Variants in CDH18 observed in about 807,000 individuals in gnomAD.
The protein encoded by CDH18 is cadherin 18.
A neutral mutation model predicts 67.9 loss-of-function variants in CDH18; 31 were observed. That is an observed-to-expected ratio of 0.46 (90% CI 0.34 to 0.62). The LOEUF is 0.62. Among genes scored for constraint, CDH18 ranks in the 20% least tolerant of loss-of-function variants. The pLI, the probability that CDH18 is intolerant of heterozygous loss-of-function variation, is 0.01. For synonymous variants in CDH18, 362 were observed against 347.2 expected, an observed-to-expected ratio of 1.04 and a Z score of -0.48; for missense variants, 890 against 975.5, an observed-to-expected ratio of 0.91 and a Z score of 1.17.
chr5:19,715,976 C>A (rs1042070138), intron 5 of CDH18, among the ~76,000 whole-genome samples: 3 of 151,956 alleles, frequency 2.0e-5, no homozygotes, highest in African/African-American at 7.3e-5. Flanking sequence ...CACTACTACA[C>A]CTGACTAATT....
intron 2 of CDH18, among the ~76,000 whole-genome samples, chr5:20,214,857 T>A (rs74872818): frequency 0.011 from 1,690 of 152,066 alleles, 32 homozygotes; most frequent in African/African-American, 0.038. Flanking sequence ...CTAATTAAAC[T>A]AAAGCGCTTC....
At chr5:20,153,967 T>C (rs1580359886) in intron 2 of CDH18, among the ~76,000 whole-genome samples, 1 of 152,154 alleles carries the variant, frequency 6.6e-6, no homozygotes, top group East Asian at 1.9e-4. Context: ...ACACATGACA[T>C]ATGTGCACAG....
At chr5:20,062,416 AG>A (rs1455462475) in intron 2 of CDH18, among the ~76,000 whole-genome samples, 3 of 152,054 alleles carry the variant, frequency 2.0e-5, no homozygotes, top group Non-Finnish European at 4.4e-5. Flanking sequence ...GACCTCCCAA[AG>A]TGCTGGATGG....
chr5:20,106,646 C>T (rs1165021781), intron 2 of CDH18, among the ~76,000 whole-genome samples: 1 of 152,128 alleles, frequency 6.6e-6, no homozygotes, highest in East Asian at 1.9e-4. Context: ...GTAATACCTG[C>T]TGGGATTGTG....
intron 5 of CDH18, among the ~76,000 whole-genome samples, chr5:19,711,054 G>A (rs528230632): frequency 2.0e-5 from 3 of 152,144 alleles, no homozygotes; most frequent in South Asian, 4.1e-4. Context: ...GTCATATGCA[G>A]AAGAATGAAA....
At chr5:19,604,291 T>C (rs1747664596) in intron 6 of CDH18, among the ~76,000 whole-genome samples, 1 of 152,114 alleles carries the variant, frequency 6.6e-6, no homozygotes. Flanking sequence ...TTACAAAAGC[T>C]GTAATAAATT....
intron 1 of CDH18, among the ~76,000 whole-genome samples, chr5:20,463,053 T>G (rs1234699496): frequency 2.0e-5 from 3 of 152,280 alleles, no homozygotes; most frequent in Middle Eastern, 3.4e-3. Context: ...GCTAAATATT[T>G]TCTGCAGCAC....
chr5:19,570,291 A>G (rs1741165882), intron 8 of CDH18, among the ~76,000 whole-genome samples: 2 of 152,222 alleles, frequency 1.3e-5, no homozygotes, highest in East Asian at 3.9e-4. Flanking sequence ...TGGTTTATGC[A>G]TATTATTTTG....
chr5:19,655,047 C>T (rs1414045189), intron 5 of CDH18, among the ~76,000 whole-genome samples: 1 of 152,080 alleles, frequency 6.6e-6, no homozygotes, highest in East Asian at 1.9e-4. Flanking sequence ...CATTTAGGCA[C>T]AAAAGCTGGA....
At chr5:19,954,988 A>T (rs1364320176) in intron 2 of CDH18, among the ~76,000 whole-genome samples, 1 of 152,068 alleles carries the variant, frequency 6.6e-6, no homozygotes, top group Non-Finnish European at 1.5e-5. Context: ...CCATGTGTCA[A>T]GGGCAGGACC....
rs74583176 is a variant in CDH18 at position 19,859,918 on chromosome 5, T to C, written c.-256-20676A>G. 3.2e-3 allele frequency among the ~76,000 whole-genome samples: 486 copies of C among 152,080 alleles called. 4 individuals are homozygous for C. Among genetic ancestry groups the C allele is most frequent in the African/African-American group, 0.011 (457 of 41,514 alleles). On this transcript the variant is annotated intron_variant, in intron 2 of 12. Transcript: ENST00000382275. The stretch of plus-strand genomic sequence containing the variant: ...AAATACTTTACAGTGTTTGACTCTT[T>C]GTCACACCATAAACATATCCATCAC...
intron 2 of CDH18, among the ~76,000 whole-genome samples, chr5:20,103,150 C>G (rs1580248947): frequency 6.6e-6 from 1 of 152,148 alleles, no homozygotes; most frequent in African/African-American, 2.4e-5. Flanking sequence ...TACAGACAAG[C>G]GTTCTTTGAA....
chr5:20,330,883 T>C (rs1422617648), intron 1 of CDH18, among the ~76,000 whole-genome samples: 1 of 152,148 alleles, frequency 6.6e-6, no homozygotes, highest in Admixed American at 6.5e-5. Context: ...TAATAAACTT[T>C]CACTCGTGCT....
chr5:19,503,867 T>G (rs2126769244), intron 10 of CDH18, among the ~76,000 whole-genome samples: 1 of 152,278 alleles, frequency 6.6e-6, no homozygotes, highest in South Asian at 2.1e-4. Context: ...GACAAAAAGA[T>G]ATTTTCCTCT....
At chr5:20,100,168 TA>T (rs1362716718) in intron 2 of CDH18, among the ~76,000 whole-genome samples, 2 of 152,188 alleles carry the variant, frequency 1.3e-5, no homozygotes, top group African/African-American at 4.8e-5. Flanking sequence ...TTGTCCCAAA[TA>T]AAATATTATT....
chr5:19,717,135 C>G lies in CDH18; in HGVS notation c.643+4212G>C, dbSNP rs117781006. On this transcript the variant is annotated intron_variant, in intron 5 of 12. Transcript: ENST00000382275. ...GAGGTTTAACTACGATTTTGTAAAA[C>G]AGTATACTCCTGTATTTTTCGTGAC... Among the ~76,000 whole-genome samples the G allele has an allele frequency of 2.8e-4, 42 of 152,072 alleles. No homozygotes were observed. In the East Asian group the frequency reaches 7.7e-3, roughly 28 times the overall value.
intron 1 of CDH18, among the ~76,000 whole-genome samples, chr5:19,987,833 C>G (rs1799722939): frequency 6.6e-6 from 1 of 152,150 alleles, no homozygotes; most frequent in Non-Finnish European, 1.5e-5. Context: ...AACAGACACG[C>G]AGCTGGATTC....
intron 5 of CDH18, among the ~76,000 whole-genome samples, chr5:19,709,027 A>G (rs888078517): frequency 2.0e-5 from 3 of 151,958 alleles, no homozygotes; most frequent in African/African-American, 7.3e-5. Flanking sequence ...TAAATAAATA[A>G]ATAAATAACT....
At chr5:20,001,973 A>G (rs1736478580) in intron 2 of CDH18, among the ~76,000 whole-genome samples, 1 of 152,144 alleles carries the variant, frequency 6.6e-6, no homozygotes, top group South Asian at 2.1e-4. Flanking sequence ...GTCTATCTAA[A>G]GATTCCTCAG....
Sources: allele counts gnomAD v4.1 joint callset (sites outside exome capture counted in the v4.1 genomes callset), GRCh38; gene constraint gnomAD v4.1.1; transcripts MANE v1.5; gene names NCBI Gene and HGNC (gene_info 2026-07-23, HGNC 2026-07-21).